CFAP46: variants seen among roughly 807,000 people sequenced by gnomAD.
The protein encoded by CFAP46 is cilia and flagella associated protein 46.
A neutral mutation model predicts 325.7 loss-of-function variants in CFAP46; 245 were observed. The ratio of observed to expected loss-of-function variants is 0.75; its 90% confidence interval spans 0.68 to 0.84. CFAP46 has a LOEUF of 0.84. Among genes scored for constraint, CFAP46 ranks in the 40% least tolerant of loss-of-function variants. CFAP46 has a pLI of 0.00. For synonymous variants in CFAP46, 1,523 were observed against 1,495.9 expected, an observed-to-expected ratio of 1.02 and a Z score of -0.42; for missense variants, 3,346 against 3,543.0, an observed-to-expected ratio of 0.94 and a Z score of 1.41.
At chr10:132,846,333 C>T in intron 43 of CFAP46, 106 bp from the exon 44 acceptor site, 3 of 1,340,022 alleles carry the variant, frequency 2.2e-6, no homozygotes, top group Non-Finnish European at 3.0e-6. Flanking sequence ...CAGGAGTGGG[C>T]TGGCTCTCCT....
Position 132,872,671 on chromosome 10 carries a change from C to A in CFAP46, c.4511+5G>T. 2.6e-6 allele frequency: 4 copies of A among 1,550,568 alleles called. No individual in the cohort carries two copies. Among genetic ancestry groups the A allele is most frequent in the Non-Finnish European group, 3.5e-6 (4 of 1,146,994 alleles). Reference sequence around the variant, plus strand: ...ATCACACTCCGAAAAAGGAGCTGTACCCACCGAAGGTGGTAGAGATCCGAC... The same window carrying A: ...ATCACACTCCGAAAAAGGAGCTGTAACCACCGAAGGTGGTAGAGATCCGAC... On this transcript the variant is annotated splice_donor_5th_base_variant and intron_variant, in intron 32 of 57. Transcript: ENST00000368586.
chr10:132,851,895 C>T lies in CFAP46; in HGVS notation c.5575-590G>A, dbSNP rs1188517051. On this transcript the variant is annotated intron_variant, in intron 39 of 57. Transcript: ENST00000368586. ...GAATTCTCAGATCCTGATCCACAGA[C>T]GTGGTATGTTCCTCCATTTACTTAG... 2.7e-5 allele frequency among the ~76,000 whole-genome samples: 4 copies of T among 149,414 alleles called. No homozygotes were observed. The South Asian group carries it at 6.3e-4, about 24-fold the overall frequency.
intron 27 of CFAP46, 30 bp from the exon 28 acceptor site, chr10:132,881,062 C>G: frequency 6.5e-7 from 1 of 1,546,558 alleles, no homozygotes; most frequent in Admixed American, 2.0e-5. Context: ...GGGTGACATC[C>G]TCAGGATGGC....
At chr10:132,812,952 C>A in intron 54 of CFAP46, 55 bp from the exon 55 acceptor site, 1 of 1,380,072 alleles carries the variant, frequency 7.2e-7, no homozygotes, top group South Asian at 1.2e-5. Flanking sequence ...TACCAGACCC[C>A]ACCGTGCGTT....
rs144743737 is a variant in CFAP46, at chr10:132,869,567, G to C, written c.4512-195C>G. On this transcript the variant is annotated intron_variant, in intron 32 of 57. Coordinates refer to ENST00000368586, the MANE Select transcript of CFAP46 (RefSeq NM_001200049.3). The surrounding 1 kb of genome is among the most constrained non-coding windows in gnomAD (Gnocchi z 6.2). ...GGTAGCTCCATCAAATTTCAAGTGG[G>C]ATTCTTCTCCCGCTCCTTCACAGAT... Among the ~76,000 whole-genome samples, 414 of 152,304 alleles carry C rather than the reference G, an allele frequency of 2.7e-3. 4 individuals are homozygous for C. The highest frequency in any genetic ancestry group is 0.024 in the South Asian group (117 of 4,822).
Position 132,808,761 on chromosome 10 carries a change from G to T in CFAP46, c.7808C>A (p.Ala2603Asp). 1 of 1,586,186 alleles carries T rather than the reference G, an allele frequency of 6.3e-7. No homozygotes were observed. Among genetic ancestry groups the T allele is most frequent in the Non-Finnish European group, 8.6e-7 (1 of 1,166,452 alleles). Reference protein sequence around the residue: ...VQAWTCLPSAAGAPALASALG... With the variant: ...VQAWTCLPSADGAPALASALG... ...GGCAGAGGCAAGTGCTGGGGCCCCA[G>T]CAGCTGATGGGAGGCAGGTCCAGGC... Residue 2603 changes from alanine (A) to aspartate (D), a missense_variant, in exon 58 of 58, where the codon GCT (alanine) becomes GAT (aspartate). By Grantham distance (126) the Ala-to-Asp change is moderately radical. Transcript: ENST00000368586. This position sits in a 1 kb window ranked among gnomAD's most constrained non-coding sequence, Gnocchi z 6.8.
At chr10:132,908,340 G>T (rs1027709776) in intron 22 of CFAP46, 128 bp downstream of exon 22, 1 of 1,165,714 alleles carries the variant, frequency 8.6e-7, no homozygotes, top group Non-Finnish European at 1.2e-6. Flanking sequence ...CGCGGCCCAG[G>T]CCCGCGCTCC....
intron 39 of CFAP46, among the ~76,000 whole-genome samples, chr10:132,854,691 T>C (rs1417501570): frequency 6.6e-6 from 1 of 152,096 alleles, no homozygotes; most frequent in Admixed American, 6.6e-5. Context: ...AAATTAACCG[T>C]TTAAAAATAT....
Position 132,937,741 on chromosome 10 carries a change from G to A in CFAP46, c.537-66C>T, listed in dbSNP as rs1308086549. On this transcript the variant is annotated intron_variant, in intron 5 of 57. Transcript: ENST00000368586. ...CTGTTTTCTCCTATCTAATAACCAG[G>A]TTATTAAACCATTACATATTTTGTG... is the stretch of plus-strand genomic sequence containing the variant. 2.6e-6 allele frequency: 4 copies of A among 1,530,394 alleles called. No homozygotes were observed. In the East Asian group the frequency reaches 6.9e-5, roughly 26 times the overall value. The allele number at this position is 1,530,394 out of a possible 1,614,324, so 94.8% of individuals were successfully genotyped here. A position where few individuals can be genotyped will look rare whatever the true frequency, so the allele number is the denominator to read the frequency against.
intron 27 of CFAP46, among the ~76,000 whole-genome samples, chr10:132,883,562 T>C (rs571542709): frequency 6.6e-6 from 1 of 152,328 alleles, no homozygotes; most frequent in South Asian, 2.1e-4. Flanking sequence ...ATCTGGCACT[T>C]CATCTGATGG....
intron 44 of CFAP46, among the ~76,000 whole-genome samples, chr10:132,845,199 C>T (rs531595698): frequency 6.6e-6 from 1 of 152,356 alleles, no homozygotes; most frequent in African/African-American, 2.4e-5. Context: ...CTCCTGTCCT[C>T]GGGCCTGGGC....
intron 24 of CFAP46, among the ~76,000 whole-genome samples, chr10:132,896,706 T>C (rs1273798831): frequency 6.6e-6 from 1 of 152,226 alleles, no homozygotes; most frequent in Non-Finnish European, 1.5e-5. Flanking sequence ...AATAGTCTTT[T>C]TAAAAATATA....
At chr10:132,836,282 G>C in intron 45 of CFAP46, 64 bp from the exon 46 acceptor site, 1 of 1,513,344 alleles carries the variant, frequency 6.6e-7, no homozygotes, top group East Asian at 2.3e-5. Context: ...TCACAGCCCA[G>C]CTCCAGCGAC....
intron 29 of CFAP46, 123 bp from the exon 30 acceptor site, chr10:132,878,210 G>T: frequency 4.5e-6 from 4 of 890,134 alleles, no homozygotes; most frequent in Non-Finnish European, 6.9e-6. Context: ...TAGTGCTCTG[G>T]TGGTCTTGCG....
intron 39 of CFAP46, among the ~76,000 whole-genome samples, chr10:132,855,730 T>C (rs759589636): frequency 6.6e-6 from 1 of 152,236 alleles, no homozygotes; most frequent in African/African-American, 2.4e-5. Flanking sequence ...GTGTATGATA[T>C]CACTTCACGC....
chr10:132,920,170 T>C lies in CFAP46; in HGVS notation c.1619A>G (p.Lys540Arg). 6.5e-7 allele frequency: 1 copy of C among 1,540,688 alleles called. No homozygotes were observed. The highest frequency in any genetic ancestry group is 8.7e-7 in the Non-Finnish European group (1 of 1,143,148). Residue 540 changes from lysine (K) to arginine (R), a missense_variant, in exon 14 of 58, where the codon AAG (lysine) becomes AGG (arginine). Transcript: ENST00000368586. ...GAGGTAGGTGAACCGGCCCCTGTTC[T>C]TCCCGGTGGAGACTGAGGGCGGAAA... is the stretch of plus-strand genomic sequence containing the variant. The part of the protein sequence containing the change: ...SENEAKVSTG[K>R]NRGRFTYLCA...
At position 132,916,636 on chromosome 10, in the gene CFAP46, C is replaced by G; in HGVS notation, c.2033G>C (p.Arg678Pro). 6.5e-7 allele frequency: 1 copy of G among 1,537,624 alleles called. No homozygotes were observed. The highest frequency in any genetic ancestry group is 8.8e-7 in the Non-Finnish European group (1 of 1,141,142). Residue 678 changes from arginine (R) to proline (P), a missense_variant, in exon 17 of 58, where the codon CGG becomes CCG. Arg to Pro is a moderately radical substitution (Grantham distance 103). Transcript: ENST00000368586. ...LRSEGVELND[R>P]AIPPEDLSQH... is the part of the protein sequence containing the mutation. ...GCTCAGGTCTTCGGGGGGGATGGCC[C>G]GGTCATTCAGCTCTACACCTTCTGA...
intron 9 of CFAP46, among the ~76,000 whole-genome samples, chr10:132,926,966 C>T (rs372378350): frequency 6.6e-6 from 1 of 152,224 alleles, no homozygotes; most frequent in African/African-American, 2.4e-5. Flanking sequence ...AGGCCTCAGC[C>T]AGGCTGCTTG....
intron 22 of CFAP46, among the ~76,000 whole-genome samples, chr10:132,902,071 G>A (rs1260024875): frequency 6.6e-6 from 1 of 152,204 alleles, no homozygotes; most frequent in African/African-American, 2.4e-5. Flanking sequence ...ATGGAGCCAG[G>A]TGTGGTTTTC....
Sources: allele counts gnomAD v4.1 joint callset (sites outside exome capture counted in the v4.1 genomes callset), GRCh38; gene constraint gnomAD v4.1.1; non-coding constraint Gnocchi (gnomAD v3.1); transcripts MANE v1.5; gene names NCBI Gene and HGNC (gene_info 2026-07-23, HGNC 2026-07-21).